Variants in PHACTR4 observed in about 807,000 individuals in gnomAD.
The protein encoded by PHACTR4 is phosphatase and actin regulator 4.
Under a neutral mutation model 72.7 loss-of-function variants are expected in PHACTR4, and 51 were observed. That is an observed-to-expected ratio of 0.70 (90% CI 0.56 to 0.89). PHACTR4 has a LOEUF of 0.89. Among genes scored for constraint, PHACTR4 ranks in the 40% least tolerant of loss-of-function variants. PHACTR4 has a pLI of 0.00. For missense variants in PHACTR4, 731 were observed against 861.8 expected (o/e 0.85, Z 1.90); for synonymous variants, 255 against 302.5 (o/e 0.84, Z 1.63).
chr1:28,378,159 T>C (rs1651838699), intron 1 of PHACTR4, among the ~76,000 whole-genome samples: 1 of 140,000 alleles, frequency 7.1e-6, no homozygotes, highest in Admixed American at 7.4e-5. Context: ...ATTGTGCCAC[T>C]GCGCTCCAGC....
chr1:28,484,832 G>GCT (rs1399720241), intron 9 of PHACTR4, among the ~76,000 whole-genome samples: 3 of 151,722 alleles, frequency 2.0e-5, no homozygotes, highest in African/African-American at 7.3e-5. Context: ...GCCGGGTGGT[G>GCT]GCAGGCACCT....
chr1:28,494,499 C>T (rs775667000), intron 13 of PHACTR4, among the ~76,000 whole-genome samples: 18 of 152,066 alleles, frequency 1.2e-4, no homozygotes, highest in Non-Finnish European at 2.1e-4. Context: ...ACTAAAAATA[C>T]AAAAATTAGC....
chr1:28,470,164 G>A (rs1659473204), intron 6 of PHACTR4, among the ~76,000 whole-genome samples: 1 of 152,058 alleles, frequency 6.6e-6, no homozygotes, highest in Non-Finnish European at 1.5e-5. Flanking sequence ...AGGCCGAGGT[G>A]GGAAGATCAC....
chr1:28,458,854 C>T (rs1026425571), intron 2 of PHACTR4, among the ~76,000 whole-genome samples: 2 of 152,112 alleles, frequency 1.3e-5, no homozygotes, highest in African/African-American at 4.8e-5. Context: ...AGATTTTGTC[C>T]TAAAATGATG....
rs1654430480 is a variant in PHACTR4, at chr1:28,407,451, G to A, written c.4G>A (p.Glu2Lys). 1 of 1,607,732 alleles carries A rather than the reference G, an allele frequency of 6.2e-7. No homozygotes were observed. Among genetic ancestry groups the A allele is most frequent in the South Asian group, 1.1e-5 (1 of 90,676 alleles). The stretch of plus-strand genomic sequence containing the variant: ...CCCTAAACTGGTTAATAGTGGCATG[G>A]AAGATCCATTTGGTGAGTATCACCT... M[E>K]DPFEEADQPT... is the part of the protein sequence containing the mutation. The change falls in exon 2 of 14, where the codon GAA (glutamate) becomes AAA (lysine). Residue 2 changes from glutamate to lysine, a missense_variant. Transcript: ENST00000373839.
chr1:28,483,534 G>A (rs1660418656), intron 9 of PHACTR4, among the ~76,000 whole-genome samples: 1 of 152,124 alleles, frequency 6.6e-6, no homozygotes, highest in Non-Finnish European at 1.5e-5. Flanking sequence ...GGACGCGGTG[G>A]CTCACGCCTG....
chr1:28,471,448 G>C (rs1039687791), intron 6 of PHACTR4, among the ~76,000 whole-genome samples: 21 of 151,968 alleles, frequency 1.4e-4, no homozygotes, highest in African/African-American at 4.8e-4. Flanking sequence ...TTTTGAGAGT[G>C]TTTGAGAATA....
At chr1:28,387,913 A>T (rs1652690758) in intron 1 of PHACTR4, among the ~76,000 whole-genome samples, 1 of 152,184 alleles carries the variant, frequency 6.6e-6, no homozygotes, top group East Asian at 1.9e-4. Flanking sequence ...TCTTTAGTAG[A>T]GACAGGGTTT....
chr1:28,420,264 A>G (rs1027472012), intron 2 of PHACTR4, among the ~76,000 whole-genome samples: 2 of 152,092 alleles, frequency 1.3e-5, no homozygotes, highest in African/African-American at 4.8e-5. Flanking sequence ...CATAATGCCT[A>G]TCATCCCCAC....
At chr1:28,453,884 A>G (rs1015580377) in intron 2 of PHACTR4, 2 of 846,042 alleles carry the variant, frequency 2.4e-6, no homozygotes, top group Non-Finnish European at 3.9e-6. Flanking sequence ...CAGGACCAAA[A>G]GAAGAGGACC....
intron 8 of PHACTR4, among the ~76,000 whole-genome samples, chr1:28,478,120 A>G: frequency 6.6e-6 from 1 of 152,154 alleles, no homozygotes; most frequent in East Asian, 1.9e-4. Flanking sequence ...CAACTTTTTT[A>G]GCTCCCACGT....
At position 28,490,886 on chromosome 1, in the gene PHACTR4, A is replaced by G; in HGVS notation, c.1817-65A>G. 4.8e-6 allele frequency: 7 copies of G among 1,445,256 alleles called. No individual in the cohort carries two copies. In the South Asian group the frequency reaches 5.7e-5, roughly 12 times the overall value. The allele number at this position is 1,445,256 out of a possible 1,614,324, so 89.5% of individuals were successfully genotyped here. On this transcript the variant is annotated intron_variant, in intron 10 of 13. Transcript: ENST00000373839. The stretch of plus-strand genomic sequence containing the variant: ...AAGAAATATCTGTAATGTAATTACT[A>G]AAACGTTTGATATGCAAATTGTCAT...
intron 2 of PHACTR4, among the ~76,000 whole-genome samples, chr1:28,422,356 ACT>A: frequency 6.6e-6 from 1 of 152,198 alleles, no homozygotes; most frequent in South Asian, 2.1e-4. Context: ...TCACATTTAC[ACT>A]GTTAGGTATT....
intron 1 of PHACTR4, among the ~76,000 whole-genome samples, chr1:28,400,496 G>A (rs979395516): frequency 1.1e-4 from 16 of 152,150 alleles, no homozygotes; most frequent in Non-Finnish European, 1.3e-4. Flanking sequence ...GCGGTTTAAG[G>A]AAAGCAGTTT....
rs1659167865 is a variant in PHACTR4, at chr1:28,466,366, A to G, written c.437-16A>G. The G allele has an allele frequency of 2.5e-6, 4 of 1,599,740 alleles. No homozygotes were observed. Among genetic ancestry groups the G allele is most frequent in the South Asian group, 2.2e-5 (2 of 90,370 alleles). ...ACTCTCTCTTCCCTTTTTATACCAT[A>G]CATGTTATTACACAGGCTCAACTGG... On this transcript the variant is annotated splice_polypyrimidine_tract_variant and intron_variant, in intron 5 of 13. Transcript: ENST00000373839.
intron 2 of PHACTR4, among the ~76,000 whole-genome samples, chr1:28,412,098 G>A (rs576077501): frequency 2.0e-5 from 3 of 151,938 alleles, no homozygotes; most frequent in Admixed American, 1.3e-4. Context: ...TATTGGTCTC[G>A]TTGAAAAAAA....
intron 1 of PHACTR4, among the ~76,000 whole-genome samples, chr1:28,379,271 C>CTT (rs59368965): frequency 3.3e-4 from 47 of 143,406 alleles, no homozygotes; most frequent in Admixed American, 4.9e-4. Flanking sequence ...TTCTTTCTTT[C>CTT]TTTTTTTTTT....
intron 1 of PHACTR4, among the ~76,000 whole-genome samples, chr1:28,381,631 C>T (rs762688721): frequency 6.6e-6 from 1 of 151,916 alleles, no homozygotes; most frequent in African/African-American, 2.4e-5. Context: ...TACTAGTCAT[C>T]CTGACTGGTA....
At chr1:28,409,150 G>T in intron 2 of PHACTR4, among the ~76,000 whole-genome samples, 1 of 144,320 alleles carries the variant, frequency 6.9e-6, no homozygotes, top group African/African-American at 2.6e-5. Context: ...TCCAAGACTG[G>T]ATATCACTGT....
Sources: gnomAD v4.1 joint callset for allele counts (sites outside exome capture counted in the v4.1 genomes callset) on GRCh38, gnomAD v4.1.1 for gene constraint, MANE v1.5 for transcripts, NCBI Gene and HGNC (gene_info 2026-07-23, HGNC 2026-07-21) for gene names.